The following TLE3 variants were observed in gnomAD, a reference collection of about 807,000 sequenced individuals.
TLE3 encodes the protein transducin-like enhancer protein 3.
TLE3 carries 14 observed loss-of-function variants against 93.0 expected under a neutral mutation model. The ratio of observed to expected loss-of-function variants is 0.15; its 90% CI spans 0.10 to 0.24. TLE3 has a LOEUF of 0.24. Among genes scored for constraint, TLE3 ranks in the 10% least tolerant of loss-of-function variants. TLE3 has a pLI of 1.00. For missense variants in TLE3, 693 were observed against 1,046.6 expected, an observed-to-expected ratio of 0.66 and a Z score of 4.66; for synonymous variants, 451 against 425.0, an observed-to-expected ratio of 1.06 and a Z score of -0.75.
chr15:70,080,357 G>A (rs555185388), intron 4 of TLE3, among the ~76,000 whole-genome samples: 10 of 152,140 alleles, frequency 6.6e-5, no homozygotes, highest in Non-Finnish European at 1.0e-4. Flanking sequence ...GGCTGGTGCC[G>A]CCTTTGAAAG....
intron 17 of TLE3, 74 bp from the exon 18 acceptor site, chr15:70,052,598 T>C: frequency 6.6e-7 from 1 of 1,515,180 alleles, no homozygotes. Context: ...CTCCCAAAGG[T>C]GCTGCTCAGG....
At chr15:70,071,969 G>A (rs547616331) in intron 6 of TLE3, among the ~76,000 whole-genome samples, 33 of 152,352 alleles carry the variant, frequency 2.2e-4, no homozygotes, top group Admixed American at 1.5e-3. Context: ...GGACTCCTTC[G>A]CGGGAGTGCA....
intron 4 of TLE3, among the ~76,000 whole-genome samples, chr15:70,094,006 T>C (rs967663615): frequency 2.0e-5 from 3 of 152,224 alleles, no homozygotes; most frequent in African/African-American, 2.4e-5. Context: ...ACTGAAGTTG[T>C]ATTTCATTCT....
intron 4 of TLE3, among the ~76,000 whole-genome samples, chr15:70,084,074 T>G (rs1488241791): frequency 6.6e-6 from 1 of 152,242 alleles, no homozygotes; most frequent in East Asian, 1.9e-4. Context: ...CTTCTCAAAC[T>G]GACCTCCTCC....
intron 1 of TLE3, 181 bp downstream of exon 1, chr15:70,096,594 C>A: frequency 1.3e-6 from 2 of 1,527,980 alleles, no homozygotes; most frequent in South Asian, 1.2e-5. Context: ...CCGCGCCACT[C>A]GCGCGGAATT....
Position 70,058,536 on chromosome 15 carries a change from A to G in TLE3, c.918+127T>C. 1 of 1,382,704 alleles carries G rather than the reference A, an allele frequency of 7.2e-7. No individual in the cohort carries two copies. Among genetic ancestry groups the G allele is most frequent in the East Asian group, 2.5e-5 (1 of 39,758 alleles). 85.7% of individuals were successfully genotyped at this position (1,382,704 alleles called of 1,614,324 possible). A position where few individuals can be genotyped will look rare whatever the true frequency, so the allele number is the denominator to read the frequency against. On this transcript the variant is annotated intron_variant, in intron 11 of 19. Transcript: ENST00000451782. The surrounding 1 kb of genome is among the most constrained non-coding windows in gnomAD (Gnocchi z 4.1). ...ATTAGCACAGGCCCAGCAGGCACAG[A>G]AGGTAAACCGGGGCCAATCACCCAC... is the stretch of plus-strand genomic sequence containing the variant.
At chr15:70,057,722 C>G in intron 12 of TLE3, 64 bp from the exon 13 acceptor site, 1 of 1,523,690 alleles carries the variant, frequency 6.6e-7, no homozygotes, top group Non-Finnish European at 8.8e-7. Flanking sequence ...ATGGCCGCCT[C>G]ACCCAGCAAT....
chr15:70,093,364 A>G (rs1203392595), intron 4 of TLE3, among the ~76,000 whole-genome samples: 1 of 152,254 alleles, frequency 6.6e-6, no homozygotes, highest in Non-Finnish European at 1.5e-5. Flanking sequence ...CCGAGTGGGT[A>G]GGAATCTGCC....
chr15:70,095,251 C>T (rs962210388), intron 3 of TLE3: 13 of 1,216,546 alleles, frequency 1.1e-5, no homozygotes, highest in Non-Finnish European at 1.4e-5. Flanking sequence ...TGGTCCAATC[C>T]TATCTTACTA....
At chr15:70,090,321 T>C (rs1289441356) in intron 4 of TLE3, among the ~76,000 whole-genome samples, 4 of 152,014 alleles carry the variant, frequency 2.6e-5, no homozygotes, top group African/African-American at 9.7e-5. Flanking sequence ...TCTTGGATGC[T>C]AGCACTCTGG....
At chr15:70,079,879 T>C (rs1010502188) in intron 4 of TLE3, among the ~76,000 whole-genome samples, 3 of 152,124 alleles carry the variant, frequency 2.0e-5, no homozygotes, top group African/African-American at 7.2e-5. Context: ...AGCCATTAAG[T>C]GATTTCACTA....
At chr15:70,091,296 G>A (rs549651741) in intron 4 of TLE3, among the ~76,000 whole-genome samples, 1 of 152,378 alleles carries the variant, frequency 6.6e-6, no homozygotes, top group Non-Finnish European at 1.5e-5. Context: ...CTCACCAACA[G>A]TGGGTGAAAA....
chr15:70,081,154 G>A (rs1350364048), intron 4 of TLE3, among the ~76,000 whole-genome samples: 1 of 152,094 alleles, frequency 6.6e-6, no homozygotes, highest in Non-Finnish European at 1.5e-5. Flanking sequence ...TGTGGCTTTG[G>A]GCAAATCACT....
In TLE3 at chr15:70,097,832, C is replaced by T; in HGVS notation, c.-1034G>A. 2.7e-6 allele frequency: 1 copy of T among 366,404 alleles called. No homozygotes were observed. Among genetic ancestry groups the T allele is most frequent in the South Asian group, 1.5e-4 (1 of 6,770 alleles). The allele number at this position is 366,404 out of a possible 1,614,324, so 22.7% of individuals were successfully genotyped here. On this transcript the variant is annotated 5_prime_UTR_variant, in exon 1 of 20. Coordinates refer to ENST00000451782, the MANE Select transcript of TLE3 (RefSeq NM_001105192.3). ...CACACACACCAAAAAAAAAAGTGCC[C>T]CGGACCTACGGATACCACACACAGA...
chr15:70,073,450 G>A (rs1467833599), intron 6 of TLE3, among the ~76,000 whole-genome samples: 1 of 152,208 alleles, frequency 6.6e-6, no homozygotes. Flanking sequence ...CACGAGAACA[G>A]AAAGAGGAAA....
In TLE3 at chr15:70,058,417, GC is replaced by G. The variant is rs2056232212; in HGVS notation, c.919-127del. The G allele has an allele frequency of 1.4e-6, 2 of 1,459,058 alleles. No homozygotes were observed. The highest frequency in any genetic ancestry group is 1.8e-6 in the Non-Finnish European group (2 of 1,083,864). The allele number at this position is 1,459,058 out of a possible 1,614,324, so 90.4% of individuals were successfully genotyped here. A position where few individuals can be genotyped will look rare whatever the true frequency, so the allele number is the denominator to read the frequency against. On this transcript the variant is annotated intron_variant, in intron 11 of 19. Coordinates refer to ENST00000451782, the MANE Select transcript of TLE3 (RefSeq NM_001105192.3). This position sits in a 1 kb window ranked among gnomAD's most constrained non-coding sequence, Gnocchi z 4.1. Reference sequence around the variant, plus strand: ...ACCCTTATGAAGCTTCTGCCGAACAGCCTCTCAATCCTTGCCCAACCTTGTT... The same window carrying G: ...ACCCTTATGAAGCTTCTGCCGAACAGCTCTCAATCCTTGCCCAACCTTGTT...
chr15:70,086,857 G>A (rs776969610), intron 4 of TLE3, among the ~76,000 whole-genome samples: 3 of 151,388 alleles, frequency 2.0e-5, no homozygotes, highest in Admixed American at 1.3e-4. Context: ...TTATCTCTTC[G>A]CACCCCCACC....
rs1179703118 is a variant in TLE3, at chr15:70,050,070, G to A, written c.*27C>T. 3.1e-6 allele frequency: 5 copies of A among 1,598,266 alleles called. No homozygotes were observed. Among genetic ancestry groups the A allele is most frequent in the Non-Finnish European group, 4.3e-6 (5 of 1,165,728 alleles). On this transcript the variant is annotated 3_prime_UTR_variant, in exon 20 of 20. Transcript: ENST00000451782. ...CAGAGCCGAGTCGGTTTCTCCCAGA[G>A]TTTGACAGCCCTGCTGGAGTTCTTG...
chr15:70,070,474 G>T (rs998918991), intron 6 of TLE3, among the ~76,000 whole-genome samples: 2 of 152,190 alleles, frequency 1.3e-5, no homozygotes, highest in African/African-American at 2.4e-5. Context: ...GTCAGACAGG[G>T]TCCTGACAGC....
Sources: allele counts gnomAD v4.1 joint callset (sites outside exome capture counted in the v4.1 genomes callset), GRCh38; gene constraint gnomAD v4.1.1; non-coding constraint Gnocchi (gnomAD v3.1); transcripts MANE v1.5; gene names NCBI Gene and HGNC (gene_info 2026-07-23, HGNC 2026-07-21).